Variants in ADARB2 observed in about 807,000 individuals in gnomAD.
ADARB2 encodes the protein inactive double-stranded RNA-specific editase B2.
In ADARB2, 25 loss-of-function variants were observed where a neutral mutation model predicts 62.2. The observed-to-expected ratio is 0.40, with a 90% confidence interval of 0.29 to 0.56. The LOEUF (loss-of-function observed/expected upper bound fraction) is 0.56. Among genes scored for constraint, ADARB2 ranks in the 20% least tolerant of loss-of-function variants. The pLI is 0.43. For missense variants in ADARB2, 1,071 were observed against 1,077.4 expected, an observed-to-expected ratio of 0.99 and a Z score of 0.08; for synonymous variants, 572 against 500.8, an observed-to-expected ratio of 1.14 and a Z score of -1.90.
chr10:1,585,377 C>T (rs114830006), intron 1 of ADARB2, among the ~76,000 whole-genome samples: 8 of 152,208 alleles, frequency 5.3e-5, no homozygotes, highest in African/African-American at 1.4e-4. Flanking sequence ...TAAATAAGAT[C>T]GCTACAAAGA....
intron 1 of ADARB2, among the ~76,000 whole-genome samples, chr10:1,725,193 A>G (rs1835148142): frequency 6.6e-6 from 1 of 152,192 alleles, no homozygotes; most frequent in Non-Finnish European, 1.5e-5. Flanking sequence ...GTGCTGTAAA[A>G]TAGATACATC....
Position 1,363,616 on chromosome 10 carries a change from G to C in ADARB2, c.489C>G (p.Asn163Lys). The C allele has an allele frequency of 1.9e-6, 3 of 1,602,702 alleles. No individual in the cohort carries two copies. Among genetic ancestry groups the C allele is most frequent in the Non-Finnish European group, 2.6e-6 (3 of 1,174,844 alleles). ...APVFAVAVEV[N>K]GLTFEGTGPT... Reference sequence around the variant, plus strand: ...GGCCTGTGCCCTCGAACGTGAGCCCGTTCACCTCCACCGCTACCGCGAAGA... The same window carrying C: ...GGCCTGTGCCCTCGAACGTGAGCCCCTTCACCTCCACCGCTACCGCGAAGA... Residue 163 changes from asparagine (N) to lysine (K), a missense_variant, in exon 3 of 10, where the codon AAC becomes AAG. Transcript: ENST00000381312.
rs1311255673 is a variant in ADARB2 at position 1,398,094 on chromosome 10, C to T, written c.101-18934G>A. Among the ~76,000 whole-genome samples, 1 of 147,738 alleles carries T rather than the reference C, an allele frequency of 6.8e-6. No individual in the cohort carries two copies. The highest frequency in any genetic ancestry group is 1.5e-5 in the Non-Finnish European group (1 of 66,726). ...GCTTCCTGGGTCACCGCCCTCCTCT[C>T]CCCTCCCGAGTGCAGGCTTCCTGGG... On this transcript the variant is annotated intron_variant, in intron 1 of 9. Coordinates refer to ENST00000381312, the MANE Select transcript of ADARB2 (RefSeq NM_018702.4). The surrounding 1 kb of genome is among the most constrained non-coding windows in gnomAD (Gnocchi z 4.1).
At chr10:1,510,110 C>CTCTTTCTTTCTTTCTTTCT (rs1831909144) in intron 1 of ADARB2, among the ~76,000 whole-genome samples, 9 of 106,184 alleles carry the variant, frequency 8.5e-5, no homozygotes, top group African/African-American at 3.3e-4. Context: ...CTTTCTTTCT[C>CTCTTTCTTTCTTTCTTTCT]TCTTTCTTTC....
At chr10:1,405,609 A>G (rs995464525) in intron 1 of ADARB2, among the ~76,000 whole-genome samples, 2 of 137,892 alleles carry the variant, frequency 1.5e-5, no homozygotes, top group Non-Finnish European at 3.1e-5. Flanking sequence ...TCCAGCCTGG[A>G]AGAGTGTGAG....
chr10:1,211,943 C>G (rs1206807403), intron 7 of ADARB2, among the ~76,000 whole-genome samples: 5 of 152,220 alleles, frequency 3.3e-5, no homozygotes, highest in African/African-American at 9.7e-5. Context: ...AACCACCTTT[C>G]AAAACTGCCT....
chr10:1,647,881 C>T (rs181048516), intron 1 of ADARB2, among the ~76,000 whole-genome samples: 15 of 151,558 alleles, frequency 9.9e-5, no homozygotes, highest in African/African-American at 3.4e-4. Flanking sequence ...TGTGGTGTGT[C>T]TATATATGTA....
At chr10:1,240,800 G>T (rs773467005) in intron 5 of ADARB2, among the ~76,000 whole-genome samples, 3 of 152,248 alleles carry the variant, frequency 2.0e-5, no homozygotes, top group Non-Finnish European at 4.4e-5. Flanking sequence ...ACAAACAAGA[G>T]TGAGGGATCT....
At chr10:1,639,893 CAAAA>C (rs1004043597) in intron 1 of ADARB2, among the ~76,000 whole-genome samples, 38 of 138,544 alleles carry the variant, frequency 2.7e-4, no homozygotes, top group Admixed American at 1.1e-3. Context: ...AACAAACAAA[CAAAA>C]ACATGAAGAG....
chr10:1,371,184 A>G (rs1464433650), intron 2 of ADARB2, among the ~76,000 whole-genome samples: 1 of 152,232 alleles, frequency 6.6e-6, no homozygotes, highest in Non-Finnish European at 1.5e-5. Context: ...ACAAAAATAA[A>G]CAATGGGGAA....
chr10:1,617,218 TC>T (rs1420198249), intron 1 of ADARB2, among the ~76,000 whole-genome samples: 1 of 149,634 alleles, frequency 6.7e-6, no homozygotes, highest in African/African-American at 2.5e-5. Flanking sequence ...CCAGACACAC[TC>T]CACACCGCCC....
intron 1 of ADARB2, among the ~76,000 whole-genome samples, chr10:1,467,811 C>A (rs1006006224): frequency 6.6e-6 from 1 of 152,184 alleles, no homozygotes; most frequent in Admixed American, 6.5e-5. Context: ...GCTTTTGAGT[C>A]GAACACATTA....
chr10:1,582,230 A>G (rs1833113632), intron 1 of ADARB2, among the ~76,000 whole-genome samples: 1 of 150,822 alleles, frequency 6.6e-6, no homozygotes. Flanking sequence ...TCTCTGGCCC[A>G]GCTACTTCGG....
At chr10:1,564,707 C>T (rs60759253) in intron 1 of ADARB2, among the ~76,000 whole-genome samples, 50 of 151,672 alleles carry the variant, frequency 3.3e-4, no homozygotes, top group African/African-American at 1.2e-3. Context: ...AAAACCACAG[C>T]GAGATACCAT....
intron 1 of ADARB2, among the ~76,000 whole-genome samples, chr10:1,642,786 C>G (rs1833994220): frequency 6.6e-6 from 1 of 151,990 alleles, no homozygotes. Context: ...CTCACACACC[C>G]ACTCACACTC....
chr10:1,434,112 G>A lies in ADARB2; in HGVS notation c.101-54952C>T, dbSNP rs574165974. On this transcript the variant is annotated intron_variant, in intron 1 of 9. Transcript: ENST00000381312. ...TTAAAAAAGGGTTTGAGTTTCAGGT[G>A]AAGCTATTAGATTCCGAGAAGGCTG... Among the ~76,000 whole-genome samples, 12 of 152,290 alleles carry A rather than the reference G, an allele frequency of 7.9e-5. No individual in the cohort carries two copies. In the South Asian group the frequency reaches 2.5e-3, roughly 32 times the overall value.
At chr10:1,489,782 C>T (rs1030290288) in intron 1 of ADARB2, among the ~76,000 whole-genome samples, 4 of 152,080 alleles carry the variant, frequency 2.6e-5, no homozygotes, top group Admixed American at 2.0e-4. Flanking sequence ...CAATTGTATA[C>T]AAGAAATGCT....
At chr10:1,643,641 G>T (rs976920899) in intron 1 of ADARB2, among the ~76,000 whole-genome samples, 3 of 152,242 alleles carry the variant, frequency 2.0e-5, no homozygotes, top group Non-Finnish European at 4.4e-5. Context: ...TGCGAAGCGC[G>T]TCAGAACCAC....
At chr10:1,593,832 G>C (rs548964086) in intron 1 of ADARB2, among the ~76,000 whole-genome samples, 11 of 152,212 alleles carry the variant, frequency 7.2e-5, no homozygotes, top group African/African-American at 2.6e-4. Context: ...AATGGTTTGG[G>C]GGAATTTTAT....
Sources: gnomAD v4.1 joint callset for allele counts (sites outside exome capture counted in the v4.1 genomes callset) on GRCh38, gnomAD v4.1.1 for gene constraint, Gnocchi (gnomAD v3.1) non-coding constraint, MANE v1.5 for transcripts, NCBI Gene and HGNC (gene_info 2026-07-23, HGNC 2026-07-21) for gene names.